The following SVOPL variants were observed in gnomAD, a reference collection of about 807,000 sequenced individuals.
SVOPL encodes putative transporter SVOPL.
Under a neutral mutation model 61.0 loss-of-function variants are expected in SVOPL, and 60 were observed. That is an observed-to-expected ratio of 0.98 (90% CI 0.80 to 1.22). SVOPL has a LOEUF of 1.22. Among genes scored for constraint, SVOPL ranks in the 50% most tolerant of loss-of-function variants. The pLI, the probability that SVOPL is intolerant of heterozygous loss-of-function variation, is 0.00. For missense variants in SVOPL, 662 were observed against 643.9 expected (o/e 1.03, Z -0.30); for synonymous variants, 279 against 250.0 (o/e 1.12, Z -1.09).
intron 13 of SVOPL, among the ~76,000 whole-genome samples, chr7:138,623,504 G>A (rs1377837734): frequency 1.3e-5 from 2 of 152,050 alleles, no homozygotes; most frequent in African/African-American, 2.4e-5. Flanking sequence ...GGAGGCTGAG[G>A]CAGGAGAATG....
intron 9 of SVOPL, among the ~76,000 whole-genome samples, chr7:138,641,895 T>C (rs1584820523): frequency 2.4e-5 from 3 of 126,650 alleles, no homozygotes; most frequent in East Asian, 2.3e-4. Context: ...TCAATGGGTA[T>C]ATACAGTCAA....
intron 1 of SVOPL, among the ~76,000 whole-genome samples, chr7:138,693,528 A>AG (rs1491286525): frequency 1.0e-4 from 11 of 106,314 alleles, no homozygotes; most frequent in South Asian, 7.0e-4. Context: ...GAAAAGAAAG[A>AG]AAAAGAAAGA....
rs34972084 is a variant in SVOPL at position 138,596,188 on chromosome 7, T to TAAAA, written c.1467+225_1467+228dup. On this transcript the variant is annotated intron_variant, in intron 15 of 15. Transcript: ENST00000674285. ...TGGGCAACAGAGTCAGACTCTGTCT[T>TAAAA]AAAAAAAAAAAAAAAAAAAGAAAGA... Among the ~76,000 whole-genome samples, 375 of 120,292 alleles carry TAAAA rather than the reference T, an allele frequency of 3.1e-3. 1 individual carries two copies. The highest frequency in any genetic ancestry group is 0.029 in the East Asian group (114 of 3,886). 78.9% of individuals were successfully genotyped at this position (120,292 alleles called of 152,430 possible). A position where few individuals can be genotyped will look rare whatever the true frequency, so the allele number is the denominator to read the frequency against.
chr7:138,659,000 C>T (rs564408565), intron 6 of SVOPL, among the ~76,000 whole-genome samples: 146 of 151,928 alleles, frequency 9.6e-4, no homozygotes, highest in African/African-American at 3.4e-3. Context: ...TGGGGTCGGA[C>T]ATGCCTCATT....
Position 138,691,385 on chromosome 7 carries a change from C to A in SVOPL, c.-35+9793G>T, listed in dbSNP as rs1802936432. 2.0e-5 allele frequency among the ~76,000 whole-genome samples: 3 copies of A among 152,136 alleles called. No individual in the cohort carries two copies. In the South Asian group the frequency reaches 6.2e-4, roughly 31 times the overall value. ...ATGTTTTATGATGTCTCAGACCCAT[C>A]TAAACGTATTTTACAATTTTAACAA... On this transcript the variant is annotated intron_variant, in intron 1 of 15. Transcript: ENST00000674285.
chr7:138,648,812 C>T (rs1801269593), intron 8 of SVOPL, among the ~76,000 whole-genome samples, 200 bp downstream of exon 8: 1 of 152,074 alleles, frequency 6.6e-6, no homozygotes, highest in Non-Finnish European at 1.5e-5. Flanking sequence ...ATCCCAGCTA[C>T]TCGGGAGGCT....
chr7:138,616,398 A>G (rs1799304294), intron 14 of SVOPL, among the ~76,000 whole-genome samples: 2 of 150,778 alleles, frequency 1.3e-5, no homozygotes, highest in South Asian at 2.1e-4. Flanking sequence ...GTGCAATGGC[A>G]TGATCTTGAC....
chr7:138,641,129 G>A (rs756012156), intron 9 of SVOPL, among the ~76,000 whole-genome samples: 2 of 151,748 alleles, frequency 1.3e-5, no homozygotes, highest in African/African-American at 2.4e-5. Flanking sequence ...AGCCTGGAAG[G>A]TCAAGGCTAC....
At chr7:138,696,487 A>G (rs1803067917) in intron 1 of SVOPL, among the ~76,000 whole-genome samples, 1 of 151,940 alleles carries the variant, frequency 6.6e-6, no homozygotes, top group Admixed American at 6.6e-5. Flanking sequence ...CAATGGTACA[A>G]TCTCGGCTCA....
At chr7:138,618,671 C>G (rs1021350731) in intron 14 of SVOPL, among the ~76,000 whole-genome samples, 1 of 147,568 alleles carries the variant, frequency 6.8e-6, no homozygotes, top group Non-Finnish European at 1.5e-5. Flanking sequence ...AGAGAGCACG[C>G]AAGAGTGAGA....
intron 4 of SVOPL, among the ~76,000 whole-genome samples, chr7:138,670,911 G>A (rs113624282): frequency 6.6e-6 from 1 of 152,096 alleles, no homozygotes; most frequent in Non-Finnish European, 1.5e-5. Context: ...TATATCAGGA[G>A]CCTCTTTTAA....
rs548725753 is a variant in SVOPL, at chr7:138,678,038, T to C, written c.174+396A>G. Among the ~76,000 whole-genome samples the C allele has an allele frequency of 1.2e-4, 19 of 152,296 alleles. No homozygotes were observed. In the South Asian group the frequency reaches 3.3e-3, roughly 27 times the overall value. ...GCCTCAGCCTCCCAAAGTGCTGGGA[T>C]TGCAGGTGTCAGCCACCGTGTGTGG... On this transcript the variant is annotated intron_variant, in intron 3 of 15. Transcript: ENST00000674285.
chr7:138,613,625 G>A (rs778317815), intron 14 of SVOPL, among the ~76,000 whole-genome samples: 2 of 151,678 alleles, frequency 1.3e-5, no homozygotes, highest in Non-Finnish European at 2.9e-5. Flanking sequence ...TTCCCAGAGA[G>A]GACTACCTAA....
At chr7:138,697,937 A>T in intron 1 of SVOPL, among the ~76,000 whole-genome samples, 1 of 152,162 alleles carries the variant, frequency 6.6e-6, no homozygotes, top group Middle Eastern at 3.4e-3. Flanking sequence ...TTTACGTATA[A>T]TTTTATGCCA....
rs538536291 is a variant in SVOPL at position 138,607,535 on chromosome 7, G to A, written c.1354-11005C>T. Among the ~76,000 whole-genome samples, 138 of 152,244 alleles carry A rather than the reference G, an allele frequency of 9.1e-4. 3 individuals carry two copies. The South Asian group carries it at 0.028, about 31-fold the overall frequency. ...CAGCAGTCCTTAACGCAGGTCAAAG[G>A]TCAGGTGAGATGAGGGGTTAAAACG... On this transcript the variant is annotated intron_variant, in intron 14 of 15. Coordinates refer to ENST00000674285, the MANE Select transcript of SVOPL (RefSeq NM_001139456.2).
chr7:138,603,767 G>A (rs559666912), intron 14 of SVOPL, among the ~76,000 whole-genome samples: 2 of 152,150 alleles, frequency 1.3e-5, no homozygotes, highest in East Asian at 3.9e-4. Flanking sequence ...TGTAACCTCT[G>A]TATTATACCC....
At position 138,627,383 on chromosome 7, in the gene SVOPL, A is replaced by G; in HGVS notation, c.1148T>C (p.Leu383Ser). Residue 383 changes from leucine (L) to serine (S), a missense_variant, in exon 12 of 16, where the codon TTA becomes TCA. Coordinates refer to ENST00000674285, the MANE Select transcript of SVOPL (RefSeq NM_001139456.2). ...GCAAATGTTGAGGAGAAGGAAGAATAAAGCCGTGCATCCCATGGTAATAGA... is the reference window on the plus strand; with the variant it reads ...GCAAATGTTGAGGAGAAGGAAGAATGAAGCCGTGCATCCCATGGTAATAGA... Reference protein sequence around the residue: ...SLSITMGCTALFFLLLNICTS... With the variant: ...SLSITMGCTASFFLLLNICTS... 1 of 1,613,728 alleles carries G rather than the reference A, an allele frequency of 6.2e-7. No homozygotes were observed. The highest frequency in any genetic ancestry group is 8.5e-7 in the Non-Finnish European group (1 of 1,179,608).
At chr7:138,660,105 A>C in intron 5 of SVOPL, 117 bp from the exon 6 acceptor site, 1 of 1,475,720 alleles carries the variant, frequency 6.8e-7, no homozygotes, top group African/African-American at 1.4e-5. Context: ...CTGAGGAGCT[A>C]ACCTGTAGCA....
At chr7:138,693,589 G>GA (rs1293229142) in intron 1 of SVOPL, among the ~76,000 whole-genome samples, 1 of 134,726 alleles carries the variant, frequency 7.4e-6, no homozygotes, top group Admixed American at 7.7e-5. Context: ...AGGAAAGAAA[G>GA]AAAAAAGGAA....
Sources: allele counts gnomAD v4.1 joint callset (sites outside exome capture counted in the v4.1 genomes callset), GRCh38; gene constraint gnomAD v4.1.1; transcripts MANE v1.5; gene names NCBI Gene and HGNC (gene_info 2026-07-23, HGNC 2026-07-21).